TMEM272: variants seen among roughly 807,000 people sequenced by gnomAD.
The protein encoded by TMEM272 is transmembrane protein 272.
In TMEM272, 8 loss-of-function variants were observed where a neutral mutation model predicts 3.7. The observed-to-expected ratio is 2.17, with a 90% CI of 1.27 to 3.91. The LOEUF (loss-of-function observed/expected upper bound fraction) is 3.91, where lower values mean the gene tolerates loss of function less well. Among genes scored for constraint, TMEM272 ranks in the 30% most tolerant of loss-of-function variants. The pLI, the probability that TMEM272 is intolerant of heterozygous loss-of-function variation, is 0.00. For synonymous variants in TMEM272, 63 were observed against 39.8 expected (o/e 1.58, Z -2.20); for missense variants, 166 against 91.5 (o/e 1.81, Z -3.32).
chr13:51,883,127 G>A, the TMEM272 span, among the ~76,000 whole-genome samples: 2 of 152,368 alleles, frequency 1.3e-5, no homozygotes, highest in East Asian at 1.9e-4. Context: ...TGCCCAGGGA[G>A]TCCTGAGGTC....
chr13:51,930,866 T>A, the TMEM272 span, among the ~76,000 whole-genome samples: 1 of 152,070 alleles, frequency 6.6e-6, no homozygotes. Flanking sequence ...TAATCTTTAA[T>A]AAAAAAGGTT....
the TMEM272 span, among the ~76,000 whole-genome samples, chr13:51,932,076 T>A: frequency 3.3e-5 from 5 of 152,162 alleles, no homozygotes; most frequent in Non-Finnish European, 5.9e-5. Context: ...ATAGTCCCGG[T>A]TTAGGCCAGT....
intron 3 of TMEM272, among the ~76,000 whole-genome samples, chr13:51,823,369 T>A (rs1317887562): frequency 6.6e-6 from 1 of 152,268 alleles, no homozygotes; most frequent in African/African-American, 2.4e-5. Flanking sequence ...TGAGCCACTG[T>A]GCCCAGCCCA....
In TMEM272 at chr13:51,819,170, T is replaced by C. The variant is rs554651864; in HGVS notation, c.202-2057A>G. Among the ~76,000 whole-genome samples the C allele has an allele frequency of 3.7e-4, 56 of 152,126 alleles. 1 individual carries two copies. Among genetic ancestry groups the C allele is most frequent in the Non-Finnish European group, 3.8e-4 (26 of 68,032 alleles). On this transcript the variant is annotated intron_variant, in intron 4 of 4. Coordinates refer to ENST00000629372, the MANE Select transcript of TMEM272 (RefSeq NM_001351003.2). ...AGAAGGGGCATACTTGGGACCCCTA[T>C]GCACAAGGAGAGGTGCGAGGGTCCT...
At chr13:51,921,078 G>A in the TMEM272 span, among the ~76,000 whole-genome samples, 1 of 152,218 alleles carries the variant, frequency 6.6e-6, no homozygotes, top group African/African-American at 2.4e-5. Context: ...TGTATCAGGA[G>A]GCAGCCATTG....
chr13:51,918,780 A>C, the TMEM272 span, among the ~76,000 whole-genome samples: 1 of 145,304 alleles, frequency 6.9e-6, no homozygotes, highest in Admixed American at 6.9e-5. Context: ...ACACGTCACC[A>C]TGCCTGGCTA....
chr13:51,842,890 A>T (rs905266217), intron 1 of TMEM272, among the ~76,000 whole-genome samples: 5 of 152,212 alleles, frequency 3.3e-5, no homozygotes, highest in African/African-American at 1.2e-4. Flanking sequence ...TCTCTCCATG[A>T]AAAGTGCTTT....
chr13:51,836,824 G>A (rs1477981692), intron 2 of TMEM272, among the ~76,000 whole-genome samples: 1 of 152,110 alleles, frequency 6.6e-6, no homozygotes, highest in East Asian at 1.9e-4. Flanking sequence ...AACAGAAGCT[G>A]GTGTTCCTAG....
chr13:51,832,206 T>C (rs1956178820), intron 2 of TMEM272, among the ~76,000 whole-genome samples: 1 of 152,142 alleles, frequency 6.6e-6, no homozygotes, highest in African/African-American at 2.4e-5. Flanking sequence ...CCCGTGATTG[T>C]CAGAGGGAGC....
chr13:51,866,348 T>G, the TMEM272 span: 1 of 363,136 alleles, frequency 2.8e-6, no homozygotes, highest in African/African-American at 2.1e-5. Flanking sequence ...CCCCAGCCTG[T>G]GCGGGTGTTT....
intron 4 of TMEM272, among the ~76,000 whole-genome samples, chr13:51,821,373 C>G (rs1469044738): frequency 6.6e-6 from 1 of 152,120 alleles, no homozygotes; most frequent in African/African-American, 2.4e-5. Flanking sequence ...ATCTTGAAAA[C>G]AATTGCAGGC....
At chr13:51,910,455 G>C in the TMEM272 span, 1 of 862,944 alleles carries the variant, frequency 1.2e-6, no homozygotes, top group African/African-American at 1.7e-5. Flanking sequence ...CAAAAAAAAG[G>C]GAACAGCAAC....
At chr13:51,860,184 G>A in the TMEM272 span, among the ~76,000 whole-genome samples, 4 of 152,274 alleles carry the variant, frequency 2.6e-5, no homozygotes, top group Admixed American at 6.5e-5. Flanking sequence ...TTACAGGCAT[G>A]AGCCACCATG....
chr13:51,894,197 CTG>C, the TMEM272 span, among the ~76,000 whole-genome samples: 1 of 152,320 alleles, frequency 6.6e-6, no homozygotes, highest in African/African-American at 2.4e-5. Context: ...GGACAGATAA[CTG>C]TGAAAGGACA....
chr13:51,931,217 C>T, the TMEM272 span, among the ~76,000 whole-genome samples: 1 of 151,598 alleles, frequency 6.6e-6, no homozygotes, highest in Non-Finnish European at 1.5e-5. Context: ...AACGCAAATG[C>T]CCATCAATGA....
At chr13:51,829,843 T>C (rs1956157826) in intron 2 of TMEM272, among the ~76,000 whole-genome samples, 1 of 150,886 alleles carries the variant, frequency 6.6e-6, no homozygotes, top group South Asian at 2.1e-4. Context: ...TATTTGGAGC[T>C]AAAGGCACTT....
chr13:51,910,631 G>A, the TMEM272 span: 1 of 540,482 alleles, frequency 1.9e-6, no homozygotes, highest in Non-Finnish European at 3.5e-6. Context: ...TAGTGCCAAG[G>A]CTGCTCTGGC....
the TMEM272 span, chr13:51,866,279 T>A: frequency 1.3e-5 from 7 of 545,566 alleles, 1 homozygote; most frequent in Non-Finnish European, 2.3e-5. Flanking sequence ...TTTGTGATGA[T>A]CCAAGGTCAT....
the TMEM272 span, among the ~76,000 whole-genome samples, chr13:51,877,589 C>T: frequency 6.6e-6 from 1 of 152,202 alleles, no homozygotes; most frequent in African/African-American, 2.4e-5. Flanking sequence ...AAAGTAGAAA[C>T]AGCAAACCAA....
Sources: allele counts gnomAD v4.1 joint callset (sites outside exome capture counted in the v4.1 genomes callset), GRCh38; gene constraint gnomAD v4.1.1; transcripts MANE v1.5; gene names NCBI Gene and HGNC (gene_info 2026-07-23, HGNC 2026-07-21).